The following KPNA5 variants were observed in gnomAD, a reference collection of about 807,000 sequenced individuals.
The protein encoded by KPNA5 is karyopherin subunit alpha 5.
Under a neutral mutation model 71.3 loss-of-function variants are expected in KPNA5, and 46 were observed. The observed-to-expected ratio is 0.65, with a 90% CI of 0.51 to 0.83. KPNA5 has a LOEUF of 0.83. KPNA5 is among the 40% of genes least tolerant of loss of function. The pLI is 0.00. For missense variants in KPNA5, 547 were observed against 628.3 expected (o/e 0.87, Z 1.38); for synonymous variants, 207 against 201.4 (o/e 1.03, Z -0.24).
chr6:116,692,302 G>A lies in KPNA5; in HGVS notation c.250G>A (p.Val84Ile), dbSNP rs1777833401. The A allele has an allele frequency of 1.3e-6, 2 of 1,586,810 alleles. No individual in the cohort carries two copies. The highest frequency in any genetic ancestry group is 8.6e-7 in the Non-Finnish European group (1 of 1,165,098). The change falls in exon 4 of 14, where the codon GTT becomes ATT. Residue 84 changes from valine (V) to isoleucine (I), a missense_variant. Physicochemically the swap from Val to Ile is conservative, Grantham distance 29. Transcript: ENST00000368564. ...STVPIPEEEV[V>I]TTDMVQMIFS... is the part of the protein sequence containing the mutation. ...TGTGTGTGTGTTTTAGGAAGAAGTTGTTACTACAGATATGGTTCAGATGAT... is the reference window on the plus strand; with the variant it reads ...TGTGTGTGTGTTTTAGGAAGAAGTTATTACTACAGATATGGTTCAGATGAT...
rs575020737 is a variant in KPNA5 at position 116,739,444 on chromosome 6, A to G, written c.*7121A>G. ...CTGCCCAAGGTAATTTATAGATTCAATGCCATCCCCATCAAGCTACCAATG... is the reference window on the plus strand; with the variant it reads ...CTGCCCAAGGTAATTTATAGATTCAGTGCCATCCCCATCAAGCTACCAATG... On this transcript the variant is annotated 3_prime_UTR_variant, in exon 14 of 14. Coordinates refer to ENST00000368564, the MANE Select transcript of KPNA5 (RefSeq NM_001366306.2). The G allele has an allele frequency of 3.3e-5, 5 of 152,300 alleles. No individual in the cohort carries two copies. The highest frequency in any genetic ancestry group is 3.3e-4 in the Admixed American group (5 of 15,288). 9.4% of individuals were successfully genotyped at this position (152,300 alleles called of 1,614,324 possible). A position where few individuals can be genotyped will look rare whatever the true frequency, so the allele number is the denominator to read the frequency against.
intron 6 of KPNA5, 133 bp downstream of exon 6, chr6:116,702,283 G>T: frequency 1.1e-6 from 1 of 902,750 alleles, no homozygotes; most frequent in Non-Finnish European, 1.6e-6. Context: ...GTAGTGTTTT[G>T]GTGTTAAGTT....
chr6:116,687,164 A>G (rs1287981373), intron 1 of KPNA5, among the ~76,000 whole-genome samples: 1 of 152,236 alleles, frequency 6.6e-6, no homozygotes, highest in Non-Finnish European at 1.5e-5. Context: ...ATCCACAAGC[A>G]TGGAATGTTT....
chr6:116,713,052 AT>A lies in KPNA5; in HGVS notation c.657-3157del, dbSNP rs201995086. Among the ~76,000 whole-genome samples, 45 of 149,088 alleles carry A rather than the reference AT, an allele frequency of 3.0e-4. 1 individual carries two copies. Among genetic ancestry groups the A allele is most frequent in the Admixed American group, 3.4e-4 (5 of 14,852 alleles). The stretch of plus-strand genomic sequence containing the variant: ...TGCCCATTACCCTAGATTTATAATG[AT>A]TTTTTTTTTGCATTTTACTTTTAAG... On this transcript the variant is annotated intron_variant, in intron 7 of 13. Coordinates refer to ENST00000368564, the MANE Select transcript of KPNA5 (RefSeq NM_001366306.2).
chr6:116,720,086 A>G (rs78637008), intron 8 of KPNA5, among the ~76,000 whole-genome samples: 2,500 of 152,260 alleles, frequency 0.016, 76 homozygotes, highest in African/African-American at 0.056. Context: ...AATGCTAGTC[A>G]CCTACCTTTG....
chr6:116,722,208 C>T lies in KPNA5; in HGVS notation c.839C>T (p.Ser280Phe), dbSNP rs1226998533. The change falls in exon 9 of 14, where the codon TCT (serine) becomes TTT (phenylalanine). Residue 280 changes from serine to phenylalanine, a missense_variant. Coordinates refer to ENST00000368564, the MANE Select transcript of KPNA5 (RefSeq NM_001366306.2). ...DVLADVCWAL[S>F]YLSDGPNDKI... The stretch of plus-strand genomic sequence containing the variant: ...TTAGCAGACGTGTGTTGGGCCCTTT[C>T]TTATCTCTCCGATGGACCCAATGAT... 1 of 1,613,390 alleles carries T rather than the reference C, an allele frequency of 6.2e-7. No individual in the cohort carries two copies. Among genetic ancestry groups the T allele is most frequent in the Admixed American group, 1.7e-5 (1 of 59,990 alleles).
chr6:116,726,770 C>T (rs1562455418), intron 12 of KPNA5, 148 bp downstream of exon 12: 1 of 720,344 alleles, frequency 1.4e-6, no homozygotes, highest in East Asian at 3.1e-5. Context: ...ATCAGTTACT[C>T]ATTCACAATT....
rs528610089 is a variant in KPNA5, at chr6:116,729,871, G to A, written c.1432+130G>A. On this transcript the variant is annotated intron_variant, in intron 13 of 13. Transcript: ENST00000368564. ...TTTTTTAAGTTTTAAAATGTCACCC[G>A]TAATTTTATTACCCTAACAATTTAT... The A allele has an allele frequency of 2.1e-4, 102 of 485,406 alleles. 1 individual carries two copies. The East Asian group carries it at 3.1e-3, about 15-fold the overall frequency. 30.1% of individuals were successfully genotyped at this position (485,406 alleles called of 1,614,324 possible). A position where few individuals can be genotyped will look rare whatever the true frequency, so the allele number is the denominator to read the frequency against.
chr6:116,692,445 G>A (rs924493841), intron 4 of KPNA5, 53 bp downstream of exon 4: 27 of 1,113,552 alleles, frequency 2.4e-5, no homozygotes, highest in Non-Finnish European at 3.3e-5. Context: ...TTTTAGTAGA[G>A]GTTTATTTTA....
chr6:116,687,595 G>T (rs1422814740), intron 1 of KPNA5, among the ~76,000 whole-genome samples: 1 of 152,106 alleles, frequency 6.6e-6, no homozygotes, highest in South Asian at 2.1e-4. Context: ...GAAACAAGCC[G>T]ATATGTAAAC....
intron 10 of KPNA5, among the ~76,000 whole-genome samples, 173 bp downstream of exon 10, chr6:116,724,548 A>C (rs893482090): frequency 6.6e-6 from 1 of 152,084 alleles, no homozygotes; most frequent in Non-Finnish European, 1.5e-5. Flanking sequence ...TGCTGTCAAG[A>C]TTGACTCCAG....
intron 5 of KPNA5, 48 bp downstream of exon 5, chr6:116,698,846 T>A: frequency 8.9e-7 from 1 of 1,118,086 alleles, no homozygotes; most frequent in Non-Finnish European, 1.3e-6. Context: ...AATGACATGT[T>A]AAAGTTTCTA....
intron 13 of KPNA5, among the ~76,000 whole-genome samples, chr6:116,730,097 T>TC (rs1405214154): frequency 6.8e-6 from 1 of 147,354 alleles, no homozygotes; most frequent in African/African-American, 2.5e-5. Context: ...TTTTTTTTTT[T>TC]TTTTTTTGAG....
intron 11 of KPNA5, among the ~76,000 whole-genome samples, chr6:116,726,168 C>T (rs554211768): frequency 6.6e-6 from 1 of 151,726 alleles, no homozygotes; most frequent in East Asian, 1.9e-4. Flanking sequence ...CAATAATCTT[C>T]CTCTCAAAGC....
In KPNA5 at chr6:116,741,219, C is replaced by T. The variant is rs994186410; in HGVS notation, c.*8896C>T. ...CTGCTTAATTCATCAGTTTCTAACT[C>T]GCCAGTTTCTAAGAGAGGTGTGTTA... On this transcript the variant is annotated 3_prime_UTR_variant, in exon 14 of 14. Coordinates refer to ENST00000368564, the MANE Select transcript of KPNA5 (RefSeq NM_001366306.2). 2.6e-5 allele frequency: 4 copies of T among 152,062 alleles called. No individual in the cohort carries two copies. Among genetic ancestry groups the T allele is most frequent in the Non-Finnish European group, 2.9e-5 (2 of 68,026 alleles). 9.4% of individuals were successfully genotyped at this position (152,062 alleles called of 1,614,324 possible). A position where few individuals can be genotyped will look rare whatever the true frequency, so the allele number is the denominator to read the frequency against.
intron 8 of KPNA5, among the ~76,000 whole-genome samples, chr6:116,721,460 C>G (rs6568963): frequency 0.28 from 42,422 of 151,826 alleles, 6,681 homozygotes; most frequent in African/African-American, 0.43. Context: ...GCTTAACATA[C>G]TTCTTAACTG....
At chr6:116,717,388 T>A (rs1479641389) in intron 8 of KPNA5, among the ~76,000 whole-genome samples, 1 of 152,216 alleles carries the variant, frequency 6.6e-6, no homozygotes, top group Non-Finnish European at 1.5e-5. Context: ...ACTTGACTGA[T>A]TCCCTCATCT....
At chr6:116,714,149 G>A (rs1022952271) in intron 7 of KPNA5, among the ~76,000 whole-genome samples, 1 of 152,096 alleles carries the variant, frequency 6.6e-6, no homozygotes, top group South Asian at 2.1e-4. Flanking sequence ...ACTGATTATT[G>A]TAACTATGGT....
chr6:116,698,169 C>G (rs1417944512), intron 4 of KPNA5, among the ~76,000 whole-genome samples: 1 of 151,882 alleles, frequency 6.6e-6, no homozygotes, highest in African/African-American at 2.4e-5. Context: ...TATAAGCTTC[C>G]TAGATATTTT....
Sources: allele counts gnomAD v4.1 joint callset (sites outside exome capture counted in the v4.1 genomes callset), GRCh38; gene constraint gnomAD v4.1.1; transcripts MANE v1.5; gene names NCBI Gene and HGNC (gene_info 2026-07-23, HGNC 2026-07-21).